CFAP161: variants seen among roughly 807,000 people sequenced by gnomAD.
The protein encoded by CFAP161 is cilia and flagella associated protein 161, also known as cilia- and flagella-associated protein 161.
Under a neutral mutation model 29.0 loss-of-function variants are expected in CFAP161, and 25 were observed. The observed-to-expected ratio is 0.86, with a 90% CI of 0.63 to 1.20. The LOEUF is 1.20. Among genes scored for constraint, CFAP161 ranks in the 50% most tolerant of loss-of-function variants. The pLI, the probability that CFAP161 is intolerant of heterozygous loss-of-function variation, is 0.00. For missense variants in CFAP161, 367 were observed against 371.9 expected (o/e 0.99, Z 0.11); for synonymous variants, 116 against 137.4 (o/e 0.84, Z 1.09).
chr15:81,131,547 A>G (rs114121037), upstream of CFAP161, among the ~76,000 whole-genome samples: 414 of 152,326 alleles, frequency 2.7e-3, no homozygotes, highest in African/African-American at 9.6e-3. Flanking sequence ...CAAAATAAAA[A>G]ACTCACTAGC....
At chr15:81,131,883 G>A (rs1314479807), upstream of CFAP161, among the ~76,000 whole-genome samples, 1 of 152,076 alleles carries the variant, frequency 6.6e-6, no homozygotes, top group Non-Finnish European at 1.5e-5. Flanking sequence ...AATATATCTA[G>A]TTAAAATATT....
At chr15:81,121,211 A>G (rs1031521189) in intron 1 of CFAP161, among the ~76,000 whole-genome samples, 2 of 152,204 alleles carry the variant, frequency 1.3e-5, no homozygotes, top group Non-Finnish European at 2.9e-5. Flanking sequence ...ATTTTCCTAT[A>G]CTTCCTCTAT....
Position 81,136,706 on chromosome 15 carries a change from A to G in CFAP161, c.350A>G (p.Gln117Arg). Reference sequence around the variant, plus strand: ...GTACCCTGTGGCCTGAGCGCAGTTCAAGCCAAGACCCCAATTGGCAGAAAC... The same window carrying G: ...GTACCCTGTGGCCTGAGCGCAGTTCGAGCCAAGACCCCAATTGGCAGAAAC... ...LEVPCGLSAV[Q>R]AKTPIGRNTF... The change falls in exon 3 of 7, where the codon CAA becomes CGA. Residue 117 changes from glutamine to arginine, a missense_variant. By Grantham distance (43) the Gln-to-Arg change is conservative. Transcript: ENST00000286732. 6.2e-7 allele frequency: 1 copy of G among 1,614,188 alleles called. No homozygotes were observed. Among genetic ancestry groups the G allele is most frequent in the South Asian group, 1.1e-5 (1 of 91,076 alleles).
rs1354996776 is a variant in CFAP161, at chr15:81,134,323, G to A, written c.-7G>A. The A allele has an allele frequency of 6.3e-7, 1 of 1,583,724 alleles. No homozygotes were observed. Among genetic ancestry groups the A allele is most frequent in the Non-Finnish European group, 8.6e-7 (1 of 1,165,646 alleles). On this transcript the variant is annotated 5_prime_UTR_variant, in exon 1 of 7. Transcript: ENST00000286732. ...AGGGAGGCCCACTTGCTGAACAGCAGGGAGCGATGGCGCAGAACGTGTATG... is the reference window on the plus strand; with the variant it reads ...AGGGAGGCCCACTTGCTGAACAGCAAGGAGCGATGGCGCAGAACGTGTATG...
intron 1 of CFAP161, chr15:81,118,228 G>C: frequency 2.0e-6 from 1 of 492,252 alleles, no homozygotes; most frequent in Non-Finnish European, 3.8e-6. Context: ...ATTTGAAATT[G>C]AAATCAAACC....
intron 2 of CFAP161, among the ~76,000 whole-genome samples, chr15:81,136,234 C>T (rs1475428606): frequency 2.0e-5 from 3 of 151,878 alleles, no homozygotes; most frequent in Non-Finnish European, 4.4e-5. Flanking sequence ...AGTAAAATGC[C>T]CCTTAGTTGG....
At position 81,143,697 on chromosome 15, in the gene CFAP161, A is replaced by G; in HGVS notation, c.513A>G (p.Lys171=). Residue 171 remains lysine, a synonymous_variant, in exon 5 of 7, where the codon AAA becomes AAG. Coordinates refer to ENST00000286732, the MANE Select transcript of CFAP161 (RefSeq NM_173528.4). ...YLSSDHRTLL[K]SSKRSWLQEV... ...CAAGTGACCACAGGACCCTCCTGAA[A>G]TCGTCTAAGAGGTCTTGGCTCCAGG... 1 of 1,614,016 alleles carries G rather than the reference A, an allele frequency of 6.2e-7. No individual in the cohort carries two copies. The highest frequency in any genetic ancestry group is 8.5e-7 in the Non-Finnish European group (1 of 1,179,954).
At chr15:81,124,275 G>A (rs928847972) in intron 1 of CFAP161, among the ~76,000 whole-genome samples, 1 of 152,040 alleles carries the variant, frequency 6.6e-6, no homozygotes, top group Non-Finnish European at 1.5e-5. Flanking sequence ...ATAATCGTGT[G>A]GTTTTTGTCT....
intron 4 of CFAP161, among the ~76,000 whole-genome samples, chr15:81,140,477 A>G (rs1485243878): frequency 2.0e-5 from 3 of 151,986 alleles, no homozygotes; most frequent in Non-Finnish European, 2.9e-5. Flanking sequence ...TTCCCTTAGC[A>G]TATATTAAAT....
At chr15:81,141,141 T>A (rs778204414) in intron 4 of CFAP161, among the ~76,000 whole-genome samples, 1 of 152,252 alleles carries the variant, frequency 6.6e-6, no homozygotes, top group Non-Finnish European at 1.5e-5. Flanking sequence ...AATTCACATA[T>A]TTAGTAACTT....
At chr15:81,101,526 CAAAAAAAAAAAA>C (rs527465471) in intron 1 of CFAP161, among the ~76,000 whole-genome samples, 3 of 46,106 alleles carry the variant, frequency 6.5e-5, no homozygotes, top group South Asian at 1.4e-3. Context: ...GACTCTGTCT[CAAAAAAAAAAAA>C]AAAAAAAAAA....
At chr15:81,141,417 ACTTACT>A (rs1294696744) in intron 4 of CFAP161, among the ~76,000 whole-genome samples, 2 of 152,174 alleles carry the variant, frequency 1.3e-5, no homozygotes, top group Non-Finnish European at 2.9e-5. Context: ...TGATGAGATC[ACTTACT>A]CTTATTAATT....
At chr15:81,110,277 C>T (rs1004770070) in intron 1 of CFAP161, among the ~76,000 whole-genome samples, 2 of 152,042 alleles carry the variant, frequency 1.3e-5, no homozygotes, top group Non-Finnish European at 2.9e-5. Context: ...TAAAAGGGGG[C>T]AAAAATTTAA....
intron 4 of CFAP161, 67 bp downstream of exon 4, chr15:81,138,202 TA>T (rs1894845781): frequency 7.8e-7 from 1 of 1,285,850 alleles, no homozygotes; most frequent in African/African-American, 1.5e-5. Flanking sequence ...GGATCATAAC[TA>T]TCTACTGAAG....
intron 5 of CFAP161, among the ~76,000 whole-genome samples, chr15:81,145,775 T>C (rs188110216): frequency 6.6e-6 from 1 of 152,082 alleles, no homozygotes; most frequent in East Asian, 1.9e-4. Flanking sequence ...CTTATTGCAG[T>C]GAGGGAGAAC....
intron 1 of CFAP161, among the ~76,000 whole-genome samples, chr15:81,105,986 T>C (rs939745780): frequency 1.3e-5 from 2 of 152,198 alleles, no homozygotes; most frequent in African/African-American, 4.8e-5. Context: ...GACCCCTGTC[T>C]TTATGGGGCT....
At chr15:81,105,092 C>CCCTCCCTCCCCCCCTCCCTCCCTCCCTT (rs1894345435) in intron 1 of CFAP161, among the ~76,000 whole-genome samples, 2 of 53,450 alleles carry the variant, frequency 3.7e-5, no homozygotes, top group Non-Finnish European at 7.3e-5. Context: ...CTTTTCTTTT[C>CCCTCCCTCCCCCCCTCCCTCCCTCCCTT]CCTCCCTCCC....
chr15:81,119,054 C>A (rs1327977094), intron 1 of CFAP161, among the ~76,000 whole-genome samples: 3 of 151,888 alleles, frequency 2.0e-5, no homozygotes, highest in Admixed American at 2.0e-4. Context: ...TTTTATGAAC[C>A]CATTGGTTTT....
chr15:81,148,168 T>C (rs1469239418), intron 6 of CFAP161, among the ~76,000 whole-genome samples, 170 bp from the exon 7 acceptor site: 1 of 152,220 alleles, frequency 6.6e-6, no homozygotes, highest in African/African-American at 2.4e-5. Flanking sequence ...GGCCTAATCT[T>C]TGCCCAAATA....
Sources: gnomAD v4.1 joint callset for allele counts (sites outside exome capture counted in the v4.1 genomes callset) on GRCh38, gnomAD v4.1.1 for gene constraint, MANE v1.5 for transcripts, NCBI Gene and HGNC (gene_info 2026-07-23, HGNC 2026-07-21) for gene names.